Variants in C6orf89 observed in about 807,000 individuals in gnomAD.
C6orf89 encodes chromosome 6 open reading frame 89, also known as bombesin receptor-activated protein C6orf89.
A neutral mutation model predicts 40.7 loss-of-function variants in C6orf89; 29 were observed. The ratio of observed to expected loss-of-function variants is 0.71; its 90% CI spans 0.53 to 0.97. C6orf89 has a LOEUF of 0.97. Among genes scored for constraint, C6orf89 ranks in the 50% least tolerant of loss-of-function variants. C6orf89 has a pLI of 0.00. For synonymous variants in C6orf89, 165 were observed against 152.2 expected (o/e 1.08, Z -0.62); for missense variants, 392 against 429.1 (o/e 0.91, Z 0.76).
Position 36,914,549 on chromosome 6 carries a change from C to T in C6orf89, c.556-5C>T, listed in dbSNP as rs1183510932. 1 of 1,613,894 alleles carries T rather than the reference C, an allele frequency of 6.2e-7. No homozygotes were observed. Among genetic ancestry groups the T allele is most frequent in the Admixed American group, 1.7e-5 (1 of 60,018 alleles). On this transcript the variant is annotated splice_region_variant and splice_polypyrimidine_tract_variant and intron_variant, in intron 5 of 8. Coordinates refer to ENST00000480824, the MANE Select transcript of C6orf89 (RefSeq NM_001286635.2). The stretch of plus-strand genomic sequence containing the variant: ...TTGTTTTGTTTTGTTTCCTGCCTTG[C>T]CAAGACGGGAAAGCCCCTGTTGGAG...
rs1187118872 is a variant in C6orf89, at chr6:36,923,257, G to A, written c.950-90G>A. 1.1e-5 allele frequency: 9 copies of A among 853,538 alleles called. No homozygotes were observed. The East Asian group carries it at 2.3e-4, about 21-fold the overall frequency. 52.9% of individuals were successfully genotyped at this position (853,538 alleles called of 1,614,324 possible). A position where few individuals can be genotyped will look rare whatever the true frequency, so the allele number is the denominator to read the frequency against. ...TTTGACTCTGCAGTGCACCCTGAGG[G>A]CCAGCTCTGGCAGACCTGCCTTGCT... On this transcript the variant is annotated intron_variant, in intron 8 of 8. Transcript: ENST00000480824.
upstream of C6orf89, chr6:36,885,779 C>T: frequency 2.6e-6 from 1 of 382,964 alleles, no homozygotes; most frequent in Non-Finnish European, 4.6e-6. Context: ...GGAAGAAGGA[C>T]GCCAGGGGGA....
intron 2 of C6orf89, among the ~76,000 whole-genome samples, chr6:36,895,375 C>T (rs567555185): frequency 6.6e-6 from 1 of 152,086 alleles, no homozygotes; most frequent in South Asian, 2.1e-4. Context: ...CTTTGTAATC[C>T]ATCCTCCTGG....
chr6:36,900,147 A>G (rs2150691780), intron 3 of C6orf89, among the ~76,000 whole-genome samples: 1 of 150,728 alleles, frequency 6.6e-6, no homozygotes, highest in South Asian at 2.1e-4. Context: ...TCAGCCTCCC[A>G]AAGTGCTTGG....
upstream of C6orf89, chr6:36,885,798 C>A: frequency 2.5e-6 from 1 of 392,822 alleles, no homozygotes; most frequent in South Asian, 1.3e-4. Context: ...GAGCAAGAAC[C>A]TACACTCTCC....
At chr6:36,915,488 T>A (rs1039557490) in intron 6 of C6orf89, among the ~76,000 whole-genome samples, 2 of 152,074 alleles carry the variant, frequency 1.3e-5, no homozygotes, top group Non-Finnish European at 1.5e-5. Context: ...ATGCCTATAA[T>A]CCCAACACTT....
intron 4 of C6orf89, among the ~76,000 whole-genome samples, chr6:36,907,767 T>TATAA (rs1420852526): frequency 6.6e-6 from 1 of 152,218 alleles, no homozygotes; most frequent in African/African-American, 2.4e-5. Flanking sequence ...TTACGCTGAC[T>TATAA]TTTCTGTCTG....
At position 36,920,140 on chromosome 6, in the gene C6orf89, A is replaced by G. The variant is rs372144730; in HGVS notation, c.949+439A>G. Reference sequence around the variant, plus strand: ...TCAAGGACTACAGGAATATATACCCATTTTGCAAATAAAACAATACCAAGC... The same window carrying G: ...TCAAGGACTACAGGAATATATACCCGTTTTGCAAATAAAACAATACCAAGC... On this transcript the variant is annotated intron_variant, in intron 8 of 8. Coordinates refer to ENST00000480824, the MANE Select transcript of C6orf89 (RefSeq NM_001286635.2). 5.9e-5 allele frequency among the ~76,000 whole-genome samples: 9 copies of G among 152,270 alleles called. No individual in the cohort carries two copies. In the East Asian group the frequency reaches 9.6e-4, roughly 16 times the overall value.
chr6:36,927,157 A>T lies in C6orf89; in HGVS notation c.*3716A>T, dbSNP rs1762707948. 1 of 152,242 alleles carries T rather than the reference A, an allele frequency of 6.6e-6. No homozygotes were observed. 9.4% of individuals were successfully genotyped at this position (152,242 alleles called of 1,614,324 possible). The stretch of plus-strand genomic sequence containing the variant: ...TGTGACAGAGGAGGGACTCTGCTCA[A>T]TTCCAGTTGTGGGTCCCCTTGGAGT... On this transcript the variant is annotated 3_prime_UTR_variant, in exon 9 of 9. Coordinates refer to ENST00000480824, the MANE Select transcript of C6orf89 (RefSeq NM_001286635.2).
chr6:36,916,345 A>G (rs12215873), intron 6 of C6orf89, 100 bp from the exon 7 acceptor site: 161,535 of 1,424,316 alleles, frequency 0.11, 10,188 homozygotes, highest in Admixed American at 0.16. Flanking sequence ...TTCCCTCTTT[A>G]CCCACCGCCC....
At chr6:36,885,063 T>C (rs1774925564), upstream of C6orf89, among the ~76,000 whole-genome samples, 1 of 152,198 alleles carries the variant, frequency 6.6e-6, no homozygotes, top group South Asian at 2.1e-4. Context: ...AACGGGGGAA[T>C]TGTTAAGGCA....
At chr6:36,914,730 CT>C in intron 6 of C6orf89, 37 bp downstream of exon 6, 2 of 1,602,420 alleles carry the variant, frequency 1.2e-6, no homozygotes, top group East Asian at 4.5e-5. Context: ...TGGCTCATGC[CT>C]GTGATCCCAG....
intron 1 of C6orf89, among the ~76,000 whole-genome samples, chr6:36,874,558 C>T (rs532362718): frequency 5.9e-5 from 9 of 152,350 alleles, no homozygotes; most frequent in South Asian, 2.1e-4. Flanking sequence ...CGGGCGATGG[C>T]GGTCCCCTCT....
intron 1 of C6orf89, among the ~76,000 whole-genome samples, chr6:36,873,379 T>C (rs1380445068): frequency 1.3e-5 from 2 of 152,222 alleles, no homozygotes; most frequent in Non-Finnish European, 2.9e-5. Context: ...TATGGGCAGC[T>C]ACCTGAATTA....
intron 6 of C6orf89, among the ~76,000 whole-genome samples, chr6:36,916,127 T>C (rs1317094214): frequency 6.6e-6 from 1 of 152,176 alleles, no homozygotes; most frequent in Non-Finnish European, 1.5e-5. Flanking sequence ...CCTGGCCTGC[T>C]GTTACTTCAG....
At chr6:36,901,878 A>G (rs1353544756) in intron 3 of C6orf89, among the ~76,000 whole-genome samples, 28 of 135,496 alleles carry the variant, frequency 2.1e-4, no homozygotes, top group East Asian at 1.7e-3. Context: ...TCACCGTGTT[A>G]GCCAGGATGG....
chr6:36,901,321 ATTTTTTTTTTTTTTTTT>A (rs60381134), intron 3 of C6orf89, among the ~76,000 whole-genome samples: 6 of 19,022 alleles, frequency 3.2e-4, no homozygotes, highest in East Asian at 3.5e-3. Flanking sequence ...TATTATTATT[ATTTTTTTTTTTTTTTTT>A]TTTTTTTTTT....
rs1762629059 is a variant in C6orf89 at position 36,924,853 on chromosome 6, C to T, written c.*1412C>T. 6.6e-6 allele frequency: 1 copy of T among 152,172 alleles called. No homozygotes were observed. The highest frequency in any genetic ancestry group is 1.5e-5 in the Non-Finnish European group (1 of 68,036). 9.4% of individuals were successfully genotyped at this position (152,172 alleles called of 1,614,324 possible). ...GACGAGTGAAGATGGTTGTGAAGCC[C>T]TCTTCATTCCTGGAGGAGCCTGCAT... is the stretch of plus-strand genomic sequence containing the variant. On this transcript the variant is annotated 3_prime_UTR_variant, in exon 9 of 9. Transcript: ENST00000480824.
intron 3 of C6orf89, among the ~76,000 whole-genome samples, 200 bp from the exon 4 acceptor site, chr6:36,902,021 G>T (rs1448553968): frequency 6.6e-6 from 1 of 152,182 alleles, no homozygotes; most frequent in Non-Finnish European, 1.5e-5. Context: ...TATGGTAGCA[G>T]CTTGGTGAGC....
Sources: gnomAD v4.1 joint callset for allele counts (sites outside exome capture counted in the v4.1 genomes callset) on GRCh38, gnomAD v4.1.1 for gene constraint, MANE v1.5 for transcripts, NCBI Gene and HGNC (gene_info 2026-07-23, HGNC 2026-07-21) for gene names.